The following GYS1 variants were observed in gnomAD, a reference collection of about 807,000 sequenced individuals.
The protein encoded by GYS1 is glycogen [starch] synthase, muscle.
GYS1 carries 60 observed loss-of-function variants against 89.1 expected under a neutral mutation model. The observed-to-expected ratio is 0.67, with a 90% CI of 0.55 to 0.84. The LOEUF (loss-of-function observed/expected upper bound fraction) is 0.84, where lower values mean the gene tolerates loss of function less well. GYS1 is among the 40% of genes least tolerant of loss of function. The probability of loss-of-function intolerance (pLI) is 0.00; values close to 1 mark genes in which losing one functional copy is unlikely to be tolerated. For missense variants in GYS1, 888 were observed against 1,003.1 expected (o/e 0.89, Z 1.55); for synonymous variants, 366 against 401.7 (o/e 0.91, Z 1.06).
rs570264080 is a variant in GYS1 at position 48,971,114 on chromosome 19, C to T, written c.1550-91G>A. 3.2e-5 allele frequency: 28 copies of T among 875,644 alleles called. 1 individual carries two copies. In the Admixed American group the frequency reaches 3.6e-4, roughly 11 times the overall value. The allele number at this position is 875,644 out of a possible 1,614,324, so 54.2% of individuals were successfully genotyped here. ...ACGCCTCAACACCGCCCTCTACTGG[C>T]GCCTGTACCAAGTGCCAGGCGCTGT... On this transcript the variant is annotated intron_variant, in intron 12 of 15. Transcript: ENST00000323798.
chr19:48,981,310 G>A, intron 8 of GYS1: 1 of 544,874 alleles, frequency 1.8e-6, no homozygotes, highest in East Asian at 3.4e-5. Context: ...CTACTCGAGA[G>A]GCTGAGGCAG....
chr19:48,972,580 ACGATT>A (rs2038582771), intron 12 of GYS1, among the ~76,000 whole-genome samples: 1 of 151,870 alleles, frequency 6.6e-6, no homozygotes. Flanking sequence ...TGGGGTTCAA[ACGATT>A]CTCCCACCTC....
intron 6 of GYS1, 107 bp from the exon 7 acceptor site, chr19:48,982,482 A>C: frequency 7.5e-7 from 1 of 1,331,892 alleles, no homozygotes; most frequent in Non-Finnish European, 1.1e-6. Flanking sequence ...AGGATGTCTT[A>C]GGTAATACAG....
intron 10 of GYS1, among the ~76,000 whole-genome samples, chr19:48,976,162 A>G (rs1005989034): frequency 1.3e-5 from 2 of 152,064 alleles, no homozygotes; most frequent in African/African-American, 4.8e-5. Context: ...TCCCGATGGC[A>G]GAAACATTCA....
intron 10 of GYS1, among the ~76,000 whole-genome samples, chr19:48,975,975 C>A (rs1281275915): frequency 5.3e-5 from 8 of 150,466 alleles, no homozygotes; most frequent in Non-Finnish European, 1.0e-4. Context: ...TAACAAAGGC[C>A]CAAAGAAACC....
chr19:48,990,936 A>G (rs911851806), intron 2 of GYS1, among the ~76,000 whole-genome samples: 24 of 152,204 alleles, frequency 1.6e-4, no homozygotes, highest in Non-Finnish European at 2.8e-4. Context: ...CTGGGATTAC[A>G]GGCACCCGCC....
intron 5 of GYS1, among the ~76,000 whole-genome samples, chr19:48,983,938 ATTCTT>A (rs1568623171): frequency 6.6e-6 from 1 of 152,168 alleles, no homozygotes; most frequent in Non-Finnish European, 1.5e-5. Context: ...GTAGTTCTCT[ATTCTT>A]TAGGTAAAAA....
At chr19:48,974,163 G>A (rs1366722031) in intron 12 of GYS1, 50 bp downstream of exon 12, 1 of 1,552,422 alleles carries the variant, frequency 6.4e-7, no homozygotes, top group Non-Finnish European at 8.7e-7. Flanking sequence ...AGACATGCTA[G>A]CTCTGACTAG....
chr19:48,974,552 G>C, intron 11 of GYS1, 68 bp downstream of exon 11: 1 of 1,122,290 alleles, frequency 8.9e-7, no homozygotes, highest in Non-Finnish European at 1.4e-6. Context: ...GGAATGGAGT[G>C]TGTGAGGCCC....
intron 5 of GYS1, among the ~76,000 whole-genome samples, chr19:48,984,119 C>A (rs2038805272): frequency 6.6e-6 from 1 of 152,068 alleles, no homozygotes; most frequent in African/African-American, 2.4e-5. Context: ...CTGCCTCAGC[C>A]TCCCGAGTAG....
In GYS1 at chr19:48,993,299, G is replaced by A. The variant is rs745547705; in HGVS notation, c.-187C>T. Reference sequence around the variant, plus strand: ...GTTGGGACCTAGGCAGAAGGAGGCCGCAGCGTCACTGAGCCCACTGGCGCC... The same window carrying A: ...GTTGGGACCTAGGCAGAAGGAGGCCACAGCGTCACTGAGCCCACTGGCGCC... On this transcript the variant is annotated 5_prime_UTR_variant, in exon 1 of 16. Transcript: ENST00000323798. 6 of 662,090 alleles carry A rather than the reference G, an allele frequency of 9.1e-6. No homozygotes were observed. The highest frequency in any genetic ancestry group is 7.1e-5 in the African/African-American group (4 of 56,472). 41.0% of individuals were successfully genotyped at this position (662,090 alleles called of 1,614,324 possible).
chr19:48,991,585 C>CCTCT lies in GYS1; in HGVS notation c.119-106_119-103dup, dbSNP rs773926254. ...ATGTAGGGGGCACTCAGGCCCCAGACCTCTAGCTCAGGGGGAAGAGGGGAC... is the reference window on the plus strand; with the variant it reads ...ATGTAGGGGGCACTCAGGCCCCAGACCTCTCTCTAGCTCAGGGGGAAGAGGGGAC... On this transcript the variant is annotated intron_variant, in intron 1 of 15. Coordinates refer to ENST00000323798, the MANE Select transcript of GYS1 (RefSeq NM_002103.5). The surrounding 1 kb of genome is among the most constrained non-coding windows in gnomAD (Gnocchi z 4.7). 7.3e-5 allele frequency: 93 copies of CCTCT among 1,268,730 alleles called. No homozygotes were observed. Among genetic ancestry groups the CCTCT allele is most frequent in the Non-Finnish European group, 1.0e-4 (91 of 881,374 alleles). 78.6% of individuals were successfully genotyped at this position (1,268,730 alleles called of 1,614,324 possible).
intron 2 of GYS1, among the ~76,000 whole-genome samples, chr19:48,989,997 C>CCGGG (rs1568626187): frequency 6.1e-4 from 16 of 26,148 alleles, no homozygotes; most frequent in South Asian, 5.7e-3. Flanking sequence ...TGCCCTTTTG[C>CCGGG]TGGGGGGGGG....
intron 5 of GYS1, among the ~76,000 whole-genome samples, chr19:48,984,899 AAAAAT>A (rs371543405): frequency 1.3e-5 from 2 of 152,100 alleles, no homozygotes; most frequent in African/African-American, 2.4e-5. Flanking sequence ...ATAAATAAAT[AAAAAT>A]AAAATAAAAC....
chr19:48,973,605 C>T (rs886458782), intron 12 of GYS1, among the ~76,000 whole-genome samples: 3 of 151,474 alleles, frequency 2.0e-5, no homozygotes, highest in African/African-American at 2.4e-5. Context: ...CTGCAACCTC[C>T]GCCTCCCAAG....
At chr19:48,975,070 A>C (rs1486151409) in intron 10 of GYS1, among the ~76,000 whole-genome samples, 1 of 151,984 alleles carries the variant, frequency 6.6e-6, no homozygotes, top group Non-Finnish European at 1.5e-5. Context: ...AGCTGGAACT[A>C]CAGGCGCCTA....
rs954046370 is a variant in GYS1 at position 48,978,277 on chromosome 19, A to G, written c.1170-120T>C. On this transcript the variant is annotated intron_variant, in intron 8 of 15. Transcript: ENST00000323798. ...TTTGGCTCTTGTTGCCCAGGCTGGA[A>G]TGCAATGGCGTGATCTCGGCTCACT... 67 of 864,862 alleles carry G rather than the reference A, an allele frequency of 7.7e-5. 1 individual carries two copies. In the Admixed American group the frequency reaches 8.8e-4, roughly 11 times the overall value. 53.6% of individuals were successfully genotyped at this position (864,862 alleles called of 1,614,324 possible).
chr19:48,975,512 G>A (rs2038631971), intron 10 of GYS1, among the ~76,000 whole-genome samples: 1 of 152,070 alleles, frequency 6.6e-6, no homozygotes, highest in Non-Finnish European at 1.5e-5. Flanking sequence ...TCTGTACTCT[G>A]GGCTCTATTA....
Position 48,985,872 on chromosome 19 carries a change from T to A in GYS1, c.656A>T (p.Asp219Val). ...CACGTTCTCCAGGTTGTTGTAGAAG[T>A]CCACGGCACCGGCACACAGGTAGCG... ...LGRYLCAGAV[D>V]FYNNLENFNV... The change falls in exon 4 of 16, where the codon GAC (aspartate) becomes GTC (valine). Residue 219 changes from aspartate to valine, a missense_variant. Physicochemically the swap from Asp to Val is radical, Grantham distance 152 (BLOSUM62 -3). Transcript: ENST00000323798. 1 of 1,613,606 alleles carries A rather than the reference T, an allele frequency of 6.2e-7. No individual in the cohort carries two copies. Among genetic ancestry groups the A allele is most frequent in the Non-Finnish European group, 8.5e-7 (1 of 1,180,036 alleles).
Sources: gnomAD v4.1 joint callset for allele counts (sites outside exome capture counted in the v4.1 genomes callset) on GRCh38, gnomAD v4.1.1 for gene constraint, Gnocchi (gnomAD v3.1) non-coding constraint, MANE v1.5 for transcripts, NCBI Gene and HGNC (gene_info 2026-07-23, HGNC 2026-07-21) for gene names.